C22orf42: variants seen among roughly 807,000 people sequenced by gnomAD.
The protein encoded by C22orf42 is uncharacterized protein C22orf42.
Under a neutral mutation model 31.4 loss-of-function variants are expected in C22orf42, and 24 were observed. That is an observed-to-expected ratio of 0.77 (90% CI 0.55 to 1.08). The LOEUF is 1.08. Ranked by LOEUF, C22orf42 falls within the 50% of genes least tolerant of loss-of-function variation. C22orf42 has a pLI of 0.00. For synonymous variants in C22orf42, 96 were observed against 112.7 expected, an observed-to-expected ratio of 0.85 and a Z score of 0.94; for missense variants, 276 against 327.3, an observed-to-expected ratio of 0.84 and a Z score of 1.21.
chr22:32,153,804 T>C (rs1336258146), intron 2 of C22orf42, among the ~76,000 whole-genome samples: 2 of 151,924 alleles, frequency 1.3e-5, no homozygotes, highest in Admixed American at 6.6e-5. Flanking sequence ...TGAGATGTCC[T>C]TTACTATCAA....
intron 1 of C22orf42, among the ~76,000 whole-genome samples, chr22:32,158,420 C>T (rs1482531791): frequency 6.6e-6 from 1 of 152,208 alleles, no homozygotes; most frequent in Non-Finnish European, 1.5e-5. Context: ...ACATTTCATA[C>T]CTTTTGCAGT....
intron 1 of C22orf42, among the ~76,000 whole-genome samples, chr22:32,156,851 C>T (rs1292935848): frequency 2.0e-5 from 3 of 151,966 alleles, no homozygotes; most frequent in Admixed American, 6.5e-5. Flanking sequence ...AGTATACCCT[C>T]GAGATAAAAT....
intron 1 of C22orf42, among the ~76,000 whole-genome samples, chr22:32,158,439 G>A (rs998032166): frequency 2.0e-5 from 3 of 152,168 alleles, no homozygotes; most frequent in South Asian, 2.1e-4. Flanking sequence ...GTCATTTGAA[G>A]CATGTCCCCC....
At chr22:32,151,165 G>A in intron 5 of C22orf42, 146 bp from the exon 6 acceptor site, 2 of 873,670 alleles carry the variant, frequency 2.3e-6, no homozygotes, top group South Asian at 3.2e-5. Context: ...AAGCATAGAG[G>A]ATGCTTGTGG....
Position 32,149,572 on chromosome 22 carries a change from T to A in C22orf42, c.724A>T (p.Ser242Cys), listed in dbSNP as rs1469845398. The A allele has an allele frequency of 6.5e-7, 1 of 1,534,030 alleles. No individual in the cohort carries two copies. The highest frequency in any genetic ancestry group is 8.8e-7 in the Non-Finnish European group (1 of 1,135,780). The change falls in exon 9 of 9, where the codon AGC becomes TGC. Residue 242 changes from serine (S) to cysteine (C), a missense_variant. Physicochemically the swap from Ser to Cys is moderately radical, Grantham distance 112 (BLOSUM62 -1). Coordinates refer to ENST00000382097, the MANE Select transcript of C22orf42 (RefSeq NM_001010859.3). ...MARSRLNEPISSQVLGLLRL is the reference protein window; with the variant it reads ...MARSRLNEPICSQVLGLLRL ...CGGAGAAGTCCTAGAACCTGGCTGC[T>A]GATGGGTTCATTGAGCCGAGACCGT... is the stretch of plus-strand genomic sequence containing the variant.
At chr22:32,153,118 C>T (rs1465488979) in intron 2 of C22orf42, among the ~76,000 whole-genome samples, 2 of 152,194 alleles carry the variant, frequency 1.3e-5, no homozygotes, top group African/African-American at 4.8e-5. Context: ...GAGTTACATT[C>T]AGGGTGCTGT....
In C22orf42 at chr22:32,149,448, AT is replaced by A. The variant is rs879142967; in HGVS notation, c.*91del. ...CAGTAGGAAGAGAGAGAGGCTTGTG[AT>A]TTTTTTTTCACCCAGATGGAAATAT... On this transcript the variant is annotated 3_prime_UTR_variant, in exon 9 of 9. Transcript: ENST00000382097. 1.9e-4 allele frequency: 256 copies of A among 1,334,366 alleles called. No individual in the cohort carries two copies. Among genetic ancestry groups the A allele is most frequent in the Middle Eastern group, 5.1e-4 (2 of 3,914 alleles). The allele number at this position is 1,334,366 out of a possible 1,614,324, so 82.7% of individuals were successfully genotyped here.
chr22:32,160,066 C>T (rs1452791162), upstream of C22orf42: 2 of 152,200 alleles, frequency 1.3e-5, no homozygotes, highest in African/African-American at 2.4e-5. Context: ...ATCTGGCAAG[C>T]CTGACAGTAT....
chr22:32,151,608 G>A (rs1920982052), intron 4 of C22orf42, 57 bp from the exon 5 acceptor site: 1 of 1,558,872 alleles, frequency 6.4e-7, no homozygotes. Context: ...ATCCCACAAG[G>A]AGCCCTGGGG....
At chr22:32,153,711 A>G (rs1458847331) in intron 2 of C22orf42, among the ~76,000 whole-genome samples, 1 of 152,244 alleles carries the variant, frequency 6.6e-6, no homozygotes, top group Non-Finnish European at 1.5e-5. Context: ...CATTTTAAAA[A>G]TTGTGTTTCC....
Position 32,152,604 on chromosome 22 carries a change from C to A in C22orf42, c.330G>T (p.Ala110=). The A allele has an allele frequency of 6.2e-7, 1 of 1,613,720 alleles. No individual in the cohort carries two copies. The highest frequency in any genetic ancestry group is 8.5e-7 in the Non-Finnish European group (1 of 1,179,646). ...ENIGPTEDVQ[A]SAHGGVEENM... The stretch of plus-strand genomic sequence containing the variant: ...TCTCCTCCACACCGCCGTGTGCAGA[C>A]GCCTGCACATCTTCAGTGGGACCTA... The change falls in exon 3 of 9, where the codon GCG becomes GCT. Residue 110 remains alanine, a synonymous_variant. Transcript: ENST00000382097.
intron 6 of C22orf42, chr22:32,150,735 G>A (rs1164442102): frequency 1.6e-6 from 1 of 629,440 alleles, no homozygotes; most frequent in African/African-American, 1.9e-5. Context: ...AGTTAATACA[G>A]AAAAGCACTG....
At chr22:32,150,154 G>T (rs933644974) in intron 7 of C22orf42, among the ~76,000 whole-genome samples, 165 bp downstream of exon 7, 2 of 152,162 alleles carry the variant, frequency 1.3e-5, no homozygotes, top group Admixed American at 1.3e-4. Flanking sequence ...AGACCTGGTG[G>T]ACGATGGCAA....
chr22:32,157,195 G>A (rs548073187), intron 1 of C22orf42, among the ~76,000 whole-genome samples: 8 of 151,816 alleles, frequency 5.3e-5, no homozygotes, highest in East Asian at 1.9e-4. Context: ...GGTCATGATC[G>A]TCTGTCTGTT....
intron 1 of C22orf42, among the ~76,000 whole-genome samples, chr22:32,155,543 C>G (rs369247276): frequency 6.6e-6 from 1 of 151,310 alleles, no homozygotes; most frequent in South Asian, 2.1e-4. Context: ...TTCTGCTTCC[C>G]CTGCTCCGAC....
At chr22:32,150,004 GA>G (rs1431874953) in intron 7 of C22orf42, 1 of 478,830 alleles carries the variant, frequency 2.1e-6, no homozygotes, top group African/African-American at 1.9e-5. Context: ...TATTTTTCAA[GA>G]AGAAAAAGTT....
rs28616244 is a variant in C22orf42, at chr22:32,149,989, A to G, written c.655-209T>C. ...TAAGTCCATGTTGGCTGGCAAACAC[A>G]AAATTATTTTTCAAGAAGAAAAAGT... On this transcript the variant is annotated intron_variant, in intron 7 of 8. Transcript: ENST00000382097. 3.9e-3 allele frequency: 1,919 copies of G among 487,972 alleles called. 32 individuals are homozygous for G. The highest frequency in any genetic ancestry group is 0.034 in the African/African-American group (1,781 of 51,934). 30.2% of individuals were successfully genotyped at this position (487,972 alleles called of 1,614,324 possible). A position where few individuals can be genotyped will look rare whatever the true frequency, so the allele number is the denominator to read the frequency against.
chr22:32,158,970 C>T lies in C22orf42; in HGVS notation c.232+14G>A. 1 of 1,614,042 alleles carries T rather than the reference C, an allele frequency of 6.2e-7. No individual in the cohort carries two copies. Among genetic ancestry groups the T allele is most frequent in the Non-Finnish European group, 8.5e-7 (1 of 1,179,968 alleles). ...GAGATGCCAGAGAGCAAATGGCACC[C>T]ATGGCTTCTTTACCTTTGGACATCT... On this transcript the variant is annotated intron_variant, in intron 1 of 8. Coordinates refer to ENST00000382097, the MANE Select transcript of C22orf42 (RefSeq NM_001010859.3).
intron 1 of C22orf42, among the ~76,000 whole-genome samples, chr22:32,156,768 A>C (rs9609457): frequency 0.22 from 32,581 of 146,520 alleles, 3,696 homozygotes; most frequent in Middle Eastern, 0.29. Context: ...TAGACATTTC[A>C]GTTATTTCCA....
Sources: allele counts gnomAD v4.1 joint callset (sites outside exome capture counted in the v4.1 genomes callset), GRCh38; gene constraint gnomAD v4.1.1; transcripts MANE v1.5; gene names NCBI Gene and HGNC (gene_info 2026-07-23, HGNC 2026-07-21).